ZNF804A: variants seen among roughly 807,000 people sequenced by gnomAD.
ZNF804A encodes zinc finger protein 804A.
ZNF804A carries 2 observed loss-of-function variants against 16.5 expected under a neutral mutation model. The observed-to-expected ratio is 0.12, with a 90% CI of 0.05 to 0.38. The LOEUF (loss-of-function observed/expected upper bound fraction) is 0.38, where lower values mean the gene tolerates loss of function less well. Ranked by LOEUF, ZNF804A falls within the 10% of genes least tolerant of loss-of-function variation. The pLI, the probability that ZNF804A is intolerant of heterozygous loss-of-function variation, is 0.99. For synonymous variants in ZNF804A, 534 were observed against 489.6 expected, an observed-to-expected ratio of 1.09 and a Z score of -1.20; for missense variants, 1,473 against 1,390.7, an observed-to-expected ratio of 1.06 and a Z score of -0.94.
chr2:184,736,430 A>G (rs982837110), intron 1 of ZNF804A, among the ~76,000 whole-genome samples: 3 of 152,232 alleles, frequency 2.0e-5, no homozygotes. Flanking sequence ...ATAAAAAGGA[A>G]TGAGATCATG....
chr2:184,879,589 T>C (rs552634917), intron 2 of ZNF804A, among the ~76,000 whole-genome samples: 107 of 152,118 alleles, frequency 7.0e-4, no homozygotes, highest in Middle Eastern at 3.4e-3. Flanking sequence ...TCATACTTTT[T>C]AGGAATATAG....
intron 1 of ZNF804A, among the ~76,000 whole-genome samples, chr2:184,839,691 C>G (rs1426961519): frequency 1.3e-5 from 2 of 151,988 alleles, no homozygotes; most frequent in Non-Finnish European, 2.9e-5. Context: ...GTAATTAATT[C>G]ACGATGTAAG....
At chr2:184,913,384 A>G (rs1015356262) in intron 2 of ZNF804A, among the ~76,000 whole-genome samples, 1 of 152,118 alleles carries the variant, frequency 6.6e-6, no homozygotes, top group South Asian at 2.1e-4. Context: ...TATGACTTCA[A>G]GTTATTCTCT....
At chr2:184,690,972 T>A (rs1050004310) in intron 1 of ZNF804A, among the ~76,000 whole-genome samples, 1 of 151,892 alleles carries the variant, frequency 6.6e-6, no homozygotes, top group Non-Finnish European at 1.5e-5. Flanking sequence ...TGCAAAAAAA[T>A]TCACAATAAT....
intron 2 of ZNF804A, among the ~76,000 whole-genome samples, chr2:184,869,287 G>A (rs1415265313): frequency 1.3e-5 from 2 of 152,028 alleles, no homozygotes; most frequent in African/African-American, 4.8e-5. Context: ...GCACTTAAGT[G>A]TCATATGGGT....
intron 1 of ZNF804A, among the ~76,000 whole-genome samples, chr2:184,782,218 A>G (rs773789611): frequency 6.6e-6 from 1 of 151,700 alleles, no homozygotes; most frequent in Non-Finnish European, 1.5e-5. Flanking sequence ...GGTACTTTAC[A>G]ATAGGAATTT....
chr2:184,707,579 T>C (rs1183176579), intron 1 of ZNF804A, among the ~76,000 whole-genome samples: 2 of 152,166 alleles, frequency 1.3e-5, no homozygotes, highest in Non-Finnish European at 2.9e-5. Flanking sequence ...CTTAGGTTAA[T>C]GGCCTCCAGC....
At chr2:184,916,138 A>G (rs2105834316) in intron 2 of ZNF804A, among the ~76,000 whole-genome samples, 1 of 152,250 alleles carries the variant, frequency 6.6e-6, no homozygotes, top group Non-Finnish European at 1.5e-5. Flanking sequence ...GGTTTTTCAA[A>G]AGCTTGCAAA....
chr2:184,779,936 G>C (rs1310631637), intron 1 of ZNF804A, among the ~76,000 whole-genome samples: 3 of 151,594 alleles, frequency 2.0e-5, no homozygotes, highest in Non-Finnish European at 3.0e-5. Context: ...GGTTTCAAGG[G>C]TCTCAGTTCT....
At chr2:184,788,924 G>C (rs1694490124) in intron 1 of ZNF804A, among the ~76,000 whole-genome samples, 1 of 152,046 alleles carries the variant, frequency 6.6e-6, no homozygotes, top group African/African-American at 2.4e-5. Flanking sequence ...GTTCCTGGGA[G>C]AAATACTTTC....
At chr2:184,820,547 G>A (rs1038206202) in intron 1 of ZNF804A, among the ~76,000 whole-genome samples, 6 of 152,064 alleles carry the variant, frequency 3.9e-5, no homozygotes, top group Admixed American at 3.9e-4. Context: ...ATTCAACATA[G>A]TATTGGAAGT....
intron 1 of ZNF804A, among the ~76,000 whole-genome samples, chr2:184,801,699 T>G (rs1237576285): frequency 2.6e-5 from 4 of 152,236 alleles, no homozygotes; most frequent in Non-Finnish European, 5.9e-5. Context: ...GCATGTTATT[T>G]TTTTGTCTTT....
intron 1 of ZNF804A, among the ~76,000 whole-genome samples, chr2:184,850,965 C>T (rs895628585): frequency 1.3e-5 from 2 of 151,694 alleles, no homozygotes; most frequent in Non-Finnish European, 3.0e-5. Flanking sequence ...GTACCACACT[C>T]CCAACCATGA....
At chr2:184,752,938 T>C (rs1693898247) in intron 1 of ZNF804A, among the ~76,000 whole-genome samples, 3 of 151,488 alleles carry the variant, frequency 2.0e-5, no homozygotes, top group African/African-American at 4.8e-5. Context: ...TCTGTTAACA[T>C]AGATATTATA....
Position 184,863,291 on chromosome 2 carries a change from G to A in ZNF804A, c.112-3078G>A, listed in dbSNP as rs577865911. 8.5e-5 allele frequency among the ~76,000 whole-genome samples: 13 copies of A among 152,180 alleles called. 1 individual carries two copies. The South Asian group carries it at 2.5e-3, about 29-fold the overall frequency. On this transcript the variant is annotated intron_variant, in intron 1 of 3. Transcript: ENST00000302277. Reference sequence around the variant, plus strand: ...TTCCTGTGCTTCATTATTTCCATCTGTAAAGTGAGGAAATGAAAAGAATCA... The same window carrying A: ...TTCCTGTGCTTCATTATTTCCATCTATAAAGTGAGGAAATGAAAAGAATCA...
At chr2:184,898,478 C>G (rs1685124784) in intron 2 of ZNF804A, among the ~76,000 whole-genome samples, 1 of 152,026 alleles carries the variant, frequency 6.6e-6, no homozygotes, top group Non-Finnish European at 1.5e-5. Flanking sequence ...ACTGCCTTTC[C>G]AGTTCATACC....
intron 1 of ZNF804A, among the ~76,000 whole-genome samples, chr2:184,602,121 C>T (rs1280286051): frequency 6.6e-6 from 1 of 151,896 alleles, no homozygotes; most frequent in Non-Finnish European, 1.5e-5. Flanking sequence ...TATTATACCA[C>T]CCAAACATAA....
At chr2:184,764,555 G>T (rs914325202) in intron 1 of ZNF804A, among the ~76,000 whole-genome samples, 1 of 152,056 alleles carries the variant, frequency 6.6e-6, no homozygotes, top group Non-Finnish European at 1.5e-5. Flanking sequence ...GTGACACCTA[G>T]GGCAGACCGT....
At chr2:184,827,435 A>G (rs1188601374) in intron 1 of ZNF804A, among the ~76,000 whole-genome samples, 1 of 147,048 alleles carries the variant, frequency 6.8e-6, no homozygotes, top group Non-Finnish European at 1.5e-5. Context: ...TTTATATAAA[A>G]CATAATATAT....
Sources: gnomAD v4.1 joint callset for allele counts (sites outside exome capture counted in the v4.1 genomes callset) on GRCh38, gnomAD v4.1.1 for gene constraint, MANE v1.5 for transcripts, NCBI Gene and HGNC (gene_info 2026-07-23, HGNC 2026-07-21) for gene names.